The following CNOT1 variants were observed in gnomAD, a reference collection of about 807,000 sequenced individuals.
CNOT1 encodes CCR4-associated factor 1.
CNOT1 carries 15 observed loss-of-function variants against 273.8 expected under a neutral mutation model. That is an observed-to-expected ratio of 0.05 (90% CI 0.04 to 0.08). The LOEUF is 0.08. Ranked by LOEUF, CNOT1 falls within the 10% of genes least tolerant of loss-of-function variation. The pLI is 1.00. For synonymous variants in CNOT1, 1,022 were observed against 1,005.5 expected (o/e 1.02, Z -0.31); for missense variants, 1,644 against 2,912.2 (o/e 0.56, Z 10.02).
At chr16:58,606,032 C>T (rs1046687835) in intron 1 of CNOT1, among the ~76,000 whole-genome samples, 10 of 152,208 alleles carry the variant, frequency 6.6e-5, no homozygotes, top group African/African-American at 2.2e-4. Context: ...AGGTCACTGA[C>T]ATTTGACAAT....
At chr16:58,580,239 T>C (rs1000378295) in intron 12 of CNOT1, among the ~76,000 whole-genome samples, 1 of 146,738 alleles carries the variant, frequency 6.8e-6, no homozygotes, top group African/African-American at 2.5e-5. Context: ...CCCAAAAATA[T>C]AAATAAGAAA....
At chr16:58,600,475 G>A (rs925414511) in intron 1 of CNOT1, among the ~76,000 whole-genome samples, 3 of 152,214 alleles carry the variant, frequency 2.0e-5, no homozygotes, top group Non-Finnish European at 4.4e-5. Flanking sequence ...ATTAAGGTTT[G>A]TGGAAGGAAC....
At chr16:58,566,779 A>G (rs2041057889) in intron 16 of CNOT1, among the ~76,000 whole-genome samples, 1 of 152,146 alleles carries the variant, frequency 6.6e-6, no homozygotes, top group Non-Finnish European at 1.5e-5. Context: ...GATTACAGGC[A>G]TGCGCCACCA....
In CNOT1 at chr16:58,556,828, A is replaced by G. The variant is rs1264845419; in HGVS notation, c.2479+19T>C. The stretch of plus-strand genomic sequence containing the variant: ...TTTATCAGTCACACTTCACAATCAC[A>G]GACAACACTACCACTTACAAGGTTT... On this transcript the variant is annotated intron_variant, in intron 19 of 48. Coordinates refer to ENST00000317147, the MANE Select transcript of CNOT1 (RefSeq NM_016284.5). 6.2e-7 allele frequency: 1 copy of G among 1,610,624 alleles called. No homozygotes were observed. The highest frequency in any genetic ancestry group is 2.2e-5 in the East Asian group (1 of 44,816).
At chr16:58,553,574 A>G (rs765244125) in intron 22 of CNOT1, among the ~76,000 whole-genome samples, 1 of 152,210 alleles carries the variant, frequency 6.6e-6, no homozygotes, top group African/African-American at 2.4e-5. Flanking sequence ...TGCTACTTAG[A>G]AAAGATAATC....
At position 58,574,409 on chromosome 16, in the gene CNOT1, G is replaced by A. The variant is rs569629748; in HGVS notation, c.1979+200C>T. 2.7e-5 allele frequency among the ~76,000 whole-genome samples: 4 copies of A among 150,418 alleles called. No homozygotes were observed. The South Asian group carries it at 8.5e-4, about 32-fold the overall frequency. ...ATATTCACATGCAAAAGATGAATTTGGACCTCTACCTCACACCAGATACAA... is the reference window on the plus strand; with the variant it reads ...ATATTCACATGCAAAAGATGAATTTAGACCTCTACCTCACACCAGATACAA... On this transcript the variant is annotated intron_variant, in intron 16 of 48. Transcript: ENST00000317147.
At position 58,534,403 on chromosome 16, in the gene CNOT1, A is replaced by G. The variant is rs2151907552; in HGVS notation, c.5647-8T>C. ...TATTCCTTGCTGGTGCATCTACAAC[A>G]GGAACAAAAAATAAAGACACAATGA... is the stretch of plus-strand genomic sequence containing the variant. On this transcript the variant is annotated splice_polypyrimidine_tract_variant and splice_region_variant and intron_variant, in intron 39 of 48. Coordinates refer to ENST00000317147, the MANE Select transcript of CNOT1 (RefSeq NM_016284.5). The G allele has an allele frequency of 6.2e-7, 1 of 1,611,498 alleles. No homozygotes were observed. The highest frequency in any genetic ancestry group is 8.5e-7 in the Non-Finnish European group (1 of 1,178,256).
chr16:58,527,747 C>G (rs1316779608), intron 44 of CNOT1, among the ~76,000 whole-genome samples: 1 of 152,102 alleles, frequency 6.6e-6, no homozygotes, highest in Non-Finnish European at 1.5e-5. Flanking sequence ...CCCAGTGGGT[C>G]CTAGAACCAA....
rs188405062 is a variant in CNOT1, at chr16:58,601,775, A to C, written c.-174-2264T>G. On this transcript the variant is annotated intron_variant, in intron 1 of 48. Coordinates refer to ENST00000317147, the MANE Select transcript of CNOT1 (RefSeq NM_016284.5). ...AAAAAGCCTGTGCACGGTGGCAAAC[A>C]CCTGTAATCCCAGCACTTTGGGAGG... Among the ~76,000 whole-genome samples the C allele has an allele frequency of 2.1e-5, 3 of 145,160 alleles. No homozygotes were observed. In the East Asian group the frequency reaches 6.0e-4, roughly 29 times the overall value.
In CNOT1 at chr16:58,526,095, G is replaced by A. The variant is rs2039571762; in HGVS notation, c.6497C>T (p.Thr2166Ile). ...SEINIAPRIL[T>I]NFTGVMPPQF... ...AGGTGGCATTACTCCAGTGAAATTGGTGAGAATCCGGGGAGCAATGTTAAT... is the reference window on the plus strand; with the variant it reads ...AGGTGGCATTACTCCAGTGAAATTGATGAGAATCCGGGGAGCAATGTTAAT... The change falls in exon 45 of 49, where the codon ACC (threonine) becomes ATC (isoleucine). Residue 2166 changes from threonine (T) to isoleucine (I), a missense_variant. By Grantham distance (89) the Thr-to-Ile change is moderately conservative. Around this residue, in one of 13 missense-constraint regions of CNOT1, gnomAD observed 140 missense variants for 324.6 expected, o/e 0.43. Transcript: ENST00000317147. 6.2e-7 allele frequency: 1 copy of A among 1,613,986 alleles called. No homozygotes were observed. Among genetic ancestry groups the A allele is most frequent in the Admixed American group, 1.7e-5 (1 of 60,002 alleles).
chr16:58,545,838 G>A (rs1357770989), intron 29 of CNOT1, among the ~76,000 whole-genome samples: 1 of 152,168 alleles, frequency 6.6e-6, no homozygotes, highest in Non-Finnish European at 1.5e-5. Context: ...GGGATTCTCA[G>A]CTGCTGAGGA....
intron 44 of CNOT1, among the ~76,000 whole-genome samples, chr16:58,527,521 T>C (rs577989899): frequency 2.0e-5 from 3 of 152,102 alleles, no homozygotes; most frequent in East Asian, 3.9e-4. Context: ...AGTGAGACTC[T>C]GTCTCAAAAA....
chr16:58,543,131 A>G (rs2040145449), intron 31 of CNOT1: 2 of 1,330,556 alleles, frequency 1.5e-6, no homozygotes, highest in South Asian at 3.0e-5. Context: ...AACCAAAAAA[A>G]ATCATTAAAG....
intron 39 of CNOT1, among the ~76,000 whole-genome samples, chr16:58,535,677 T>C (rs1372733393): frequency 2.6e-5 from 4 of 152,190 alleles, no homozygotes; most frequent in Non-Finnish European, 5.9e-5. Flanking sequence ...GGGAGAAATA[T>C]ACTCGGTATG....
intron 1 of CNOT1, among the ~76,000 whole-genome samples, chr16:58,625,406 G>A (rs571631627): frequency 6.6e-6 from 1 of 152,336 alleles, no homozygotes; most frequent in Admixed American, 6.5e-5. Context: ...CAGCTATTCA[G>A]GAGGCTGAGG....
At chr16:58,532,113 A>C in intron 41 of CNOT1, 38 bp from the exon 42 acceptor site, 1 of 1,613,178 alleles carries the variant, frequency 6.2e-7, no homozygotes. Context: ...GCACAGTCCA[A>C]CTTAAATACA....
chr16:58,602,099 G>A lies in CNOT1; in HGVS notation c.-174-2588C>T, dbSNP rs530241549. Among the ~76,000 whole-genome samples, 39 of 151,092 alleles carry A rather than the reference G, an allele frequency of 2.6e-4. No individual in the cohort carries two copies. The South Asian group carries it at 4.6e-3, about 18-fold the overall frequency. On this transcript the variant is annotated intron_variant, in intron 1 of 48. Transcript: ENST00000317147. Reference sequence around the variant, plus strand: ...TTTTATTTTTTTGAGACAGAGTTTCGCTCTTGTTTCCCAGGCTGGAGTGAA... The same window carrying A: ...TTTTATTTTTTTGAGACAGAGTTTCACTCTTGTTTCCCAGGCTGGAGTGAA...
At chr16:58,536,919 G>A in intron 39 of CNOT1, 70 bp downstream of exon 39, 1 of 1,574,874 alleles carries the variant, frequency 6.3e-7, no homozygotes, top group Non-Finnish European at 8.6e-7. Context: ...GCAATACTGA[G>A]CTTTAATATT....
intron 10 of CNOT1, among the ~76,000 whole-genome samples, chr16:58,582,103 C>T (rs1204770037): frequency 1.3e-5 from 2 of 149,340 alleles, no homozygotes; most frequent in Non-Finnish European, 3.0e-5. Context: ...CATGATGAAA[C>T]CCTGTCTCTA....
Sources: allele counts gnomAD v4.1 joint callset (sites outside exome capture counted in the v4.1 genomes callset), GRCh38; gene constraint gnomAD v4.1.1; regional missense constraint gnomAD v4.1.1; transcripts MANE v1.5; gene names NCBI Gene and HGNC (gene_info 2026-07-23, HGNC 2026-07-21).